The following HIGD1C variants were observed in gnomAD, a reference collection of about 807,000 sequenced individuals.
HIGD1C encodes the protein HIG1 hypoxia inducible domain family member 1C.
HIGD1C carries 11 observed loss-of-function variants against 13.1 expected under a neutral mutation model. The ratio of observed to expected loss-of-function variants is 0.84; its 90% CI spans 0.53 to 1.39. The LOEUF (loss-of-function observed/expected upper bound fraction) is 1.39. HIGD1C is among the 40% of genes most tolerant of loss of function. The pLI is 0.00. For synonymous variants in HIGD1C, 36 were observed against 37.7 expected, an observed-to-expected ratio of 0.95 and a Z score of 0.17; for missense variants, 110 against 112.0, an observed-to-expected ratio of 0.98 and a Z score of 0.08.
the HIGD1C span, among the ~76,000 whole-genome samples, chr12:50,939,155 T>C: frequency 6.6e-6 from 1 of 152,304 alleles, no homozygotes; most frequent in Non-Finnish European, 1.5e-5. Context: ...TTATTTGTAT[T>C]TATTTATTTT....
chr12:50,963,745 C>T (rs1282789506), intron 2 of HIGD1C, among the ~76,000 whole-genome samples: 1 of 152,160 alleles, frequency 6.6e-6, no homozygotes, highest in Non-Finnish European at 1.5e-5. Flanking sequence ...TCATTTCCAC[C>T]TTCTAAATCT....
chr12:50,948,074 G>A, the HIGD1C span, among the ~76,000 whole-genome samples: 1 of 152,280 alleles, frequency 6.6e-6, no homozygotes. Context: ...AGAAAATTAG[G>A]CTGCATTTTA....
intron 2 of HIGD1C, among the ~76,000 whole-genome samples, chr12:50,966,611 AG>A (rs1393649651): frequency 2.0e-5 from 3 of 152,200 alleles, no homozygotes; most frequent in Admixed American, 1.3e-4. Flanking sequence ...TACTCTACCA[AG>A]GAAGTTCTGG....
At chr12:50,952,029 A>G (rs1938914577), upstream of HIGD1C, among the ~76,000 whole-genome samples, 1 of 150,620 alleles carries the variant, frequency 6.6e-6, no homozygotes, top group African/African-American at 2.4e-5. Flanking sequence ...TAAATGCAAT[A>G]TATGATCCTA....
chr12:50,953,315 C>G (rs1165951539), upstream of HIGD1C, among the ~76,000 whole-genome samples: 1 of 152,202 alleles, frequency 6.6e-6, no homozygotes, highest in Non-Finnish European at 1.5e-5. Flanking sequence ...TAGGATGAAG[C>G]CGCTGTATTT....
At position 50,969,661 on chromosome 12, in the gene HIGD1C, T is replaced by G. The variant is rs140193664; in HGVS notation, c.230-781T>G. On this transcript the variant is annotated intron_variant, in intron 2 of 2. Coordinates refer to ENST00000398455, the Ensembl canonical transcript of HIGD1C. ...TTGCAGTGAGCTGAGATCACGCCATTGTACCACTCCAGCCTGGGTGACAAG... is the reference window on the plus strand; with the variant it reads ...TTGCAGTGAGCTGAGATCACGCCATGGTACCACTCCAGCCTGGGTGACAAG... Among the ~76,000 whole-genome samples, 548 of 150,654 alleles carry G rather than the reference T, an allele frequency of 3.6e-3. 1 individual carries two copies. The highest frequency in any genetic ancestry group is 0.031 in the Middle Eastern group (9 of 292).
chr12:50,944,255 C>T, the HIGD1C span, among the ~76,000 whole-genome samples: 1 of 152,202 alleles, frequency 6.6e-6, no homozygotes, highest in African/African-American at 2.4e-5. Flanking sequence ...TGCTAAGTCA[C>T]ACTCATTTTG....
chr12:50,953,276 G>A (rs796366566), upstream of HIGD1C, among the ~76,000 whole-genome samples: 43 of 152,294 alleles, frequency 2.8e-4, no homozygotes, highest in African/African-American at 9.1e-4. Flanking sequence ...TGCTTCTTAC[G>A]CTTAAGTTTT....
In HIGD1C at chr12:50,966,874, G is replaced by C. The variant is rs184759731; in HGVS notation, c.230-3568G>C. 1.7e-3 allele frequency among the ~76,000 whole-genome samples: 263 copies of C among 152,238 alleles called. 5 individuals carry two copies. The highest frequency in any genetic ancestry group is 6.8e-3 in the South Asian group (33 of 4,818). The stretch of plus-strand genomic sequence containing the variant: ...TTGTGATGAGCCACTCACAGGATTC[G>C]GGAGGCCAAGGTGGGTAGATCATTT... On this transcript the variant is annotated intron_variant, in intron 2 of 2. Coordinates refer to ENST00000398455, the Ensembl canonical transcript of HIGD1C.
chr12:50,945,763 A>G, the HIGD1C span, among the ~76,000 whole-genome samples: 1 of 152,240 alleles, frequency 6.6e-6, no homozygotes, highest in Non-Finnish European at 1.5e-5. Context: ...AAAAGAGCCC[A>G]CATTGCTAAG....
At chr12:50,937,909 TCCATGGGCAGCCATG>T in the HIGD1C span, among the ~76,000 whole-genome samples, 19 of 152,052 alleles carry the variant, frequency 1.2e-4, no homozygotes, top group Non-Finnish European at 8.8e-5. Context: ...TGCTGATGGG[TCCATGGGCAGCCATG>T]CATGGGCCTG....
chr12:50,936,193 T>G, the HIGD1C span, among the ~76,000 whole-genome samples: 1 of 151,936 alleles, frequency 6.6e-6, no homozygotes, highest in Non-Finnish European at 1.5e-5. Context: ...CACACTGATG[T>G]CAATCTTCTC....
At chr12:50,934,399 G>T in the HIGD1C span, among the ~76,000 whole-genome samples, 2 of 152,186 alleles carry the variant, frequency 1.3e-5, no homozygotes, top group Admixed American at 1.3e-4. Flanking sequence ...CTACCTAAAA[G>T]GTTATGCTGA....
the HIGD1C span, among the ~76,000 whole-genome samples, chr12:50,944,784 G>A: frequency 6.6e-6 from 1 of 152,144 alleles, no homozygotes. Context: ...CTACTCAGAA[G>A]GCTGAGGCAG....
chr12:50,957,829 G>A (rs1939157895), intron 1 of HIGD1C, among the ~76,000 whole-genome samples: 1 of 151,976 alleles, frequency 6.6e-6, no homozygotes, highest in Non-Finnish European at 1.5e-5. Context: ...GGGTTGCAGT[G>A]AGCCGAGATC....
chr12:50,933,288 T>C, the HIGD1C span, among the ~76,000 whole-genome samples: 1 of 152,180 alleles, frequency 6.6e-6, no homozygotes, highest in Non-Finnish European at 1.5e-5. Context: ...ATATTTATAA[T>C]CATTTTAAGA....
the HIGD1C span, among the ~76,000 whole-genome samples, chr12:50,940,448 T>C: frequency 6.6e-6 from 1 of 152,208 alleles, no homozygotes; most frequent in African/African-American, 2.4e-5. Context: ...CCAGGTTTAA[T>C]GGCTCACACC....
At chr12:50,946,074 A>G in the HIGD1C span, among the ~76,000 whole-genome samples, 5 of 152,342 alleles carry the variant, frequency 3.3e-5, no homozygotes, top group East Asian at 9.6e-4. Context: ...TTATACCAAA[A>G]TTAATTCAAG....
chr12:50,937,030 CTTTG>C, the HIGD1C span, among the ~76,000 whole-genome samples: 1 of 152,224 alleles, frequency 6.6e-6, no homozygotes, highest in African/African-American at 2.4e-5. Context: ...GCAATTTCTT[CTTTG>C]TTTCTTCTAC....
Sources: allele counts gnomAD v4.1 joint callset (sites outside exome capture counted in the v4.1 genomes callset), GRCh38; gene constraint gnomAD v4.1.1; transcripts MANE v1.5; gene names NCBI Gene and HGNC (gene_info 2026-07-23, HGNC 2026-07-21).